Variants in TCP11L1 observed in about 807,000 individuals in gnomAD.
The protein encoded by TCP11L1 is T-complex protein 11-like protein 1.
A neutral mutation model predicts 48.9 loss-of-function variants in TCP11L1; 28 were observed. That is an observed-to-expected ratio of 0.57 (90% confidence interval 0.42 to 0.78). The LOEUF is 0.78. Among genes scored for constraint, TCP11L1 ranks in the 30% least tolerant of loss-of-function variants. TCP11L1 has a pLI of 0.00. For missense variants in TCP11L1, 505 were observed against 613.4 expected, an observed-to-expected ratio of 0.82 and a Z score of 1.87; for synonymous variants, 204 against 231.9, an observed-to-expected ratio of 0.88 and a Z score of 1.09.
intron 2 of TCP11L1, among the ~76,000 whole-genome samples, chr11:33,050,121 A>G (rs556817053): frequency 1.1e-4 from 17 of 152,358 alleles, no homozygotes; most frequent in South Asian, 2.1e-4. Context: ...CCTTGAGTCA[A>G]CACAGCACAG....
intron 7 of TCP11L1, among the ~76,000 whole-genome samples, chr11:33,064,256 G>C (rs1317628762): frequency 6.6e-6 from 1 of 152,228 alleles, no homozygotes; most frequent in Non-Finnish European, 1.5e-5. Context: ...CTAAACTCAC[G>C]TCCTGCTGTT....
At chr11:33,052,990 C>CA (rs56102649) in intron 2 of TCP11L1, among the ~76,000 whole-genome samples, 61,605 of 149,730 alleles carry the variant, frequency 0.41, 12,807 homozygotes, top group African/African-American at 0.48. Flanking sequence ...GACCCTATCT[C>CA]AAAAAAAAAT....
intron 2 of TCP11L1, among the ~76,000 whole-genome samples, chr11:33,052,365 G>A (rs1291182548): frequency 2.6e-5 from 4 of 152,070 alleles, no homozygotes; most frequent in Non-Finnish European, 5.9e-5. Flanking sequence ...CTTTGGAAAT[G>A]CTGAGAATGT....
intron 3 of TCP11L1, among the ~76,000 whole-genome samples, chr11:33,055,001 T>C (rs951855547): frequency 2.6e-5 from 4 of 152,250 alleles, no homozygotes; most frequent in African/African-American, 9.6e-5. Context: ...CACTGCACTA[T>C]AGTTGTTGGT....
intron 1 of TCP11L1, among the ~76,000 whole-genome samples, chr11:33,043,499 A>G (rs1033832863): frequency 2.0e-5 from 3 of 152,266 alleles, no homozygotes; most frequent in African/African-American, 7.2e-5. Flanking sequence ...ACTTAGGAGT[A>G]GGACAAAAAT....
intron 9 of TCP11L1, among the ~76,000 whole-genome samples, chr11:33,069,737 C>T (rs1047423312): frequency 6.6e-6 from 1 of 152,138 alleles, no homozygotes; most frequent in Non-Finnish European, 1.5e-5. Context: ...TCCCAAGTAG[C>T]TGGGACTACA....
At chr11:33,071,488 A>G (rs2133753382) in intron 9 of TCP11L1, among the ~76,000 whole-genome samples, 1 of 152,338 alleles carries the variant, frequency 6.6e-6, no homozygotes, top group East Asian at 1.9e-4. Flanking sequence ...TTTTTGTGAT[A>G]AAATCTGCAA....
chr11:33,070,857 C>G (rs1445115312), intron 9 of TCP11L1, among the ~76,000 whole-genome samples: 1 of 151,574 alleles, frequency 6.6e-6, no homozygotes, highest in East Asian at 1.9e-4. Flanking sequence ...CAAAAATTTC[C>G]TGGGCATGGT....
chr11:33,051,555 G>T (rs1204426419), intron 2 of TCP11L1, among the ~76,000 whole-genome samples: 1 of 152,032 alleles, frequency 6.6e-6, no homozygotes, highest in African/African-American at 2.4e-5. Context: ...TTGAGACAGA[G>T]TATTGCTCTG....
At chr11:33,065,783 C>A in intron 7 of TCP11L1, 47 bp from the exon 8 acceptor site, 2 of 1,584,602 alleles carry the variant, frequency 1.3e-6, no homozygotes, top group Non-Finnish European at 1.7e-6. Context: ...CCTCTGCTGG[C>A]CAACCTGGAC....
At chr11:33,065,488 C>T (rs1478376670) in intron 7 of TCP11L1, among the ~76,000 whole-genome samples, 1 of 147,786 alleles carries the variant, frequency 6.8e-6, no homozygotes, top group African/African-American at 2.4e-5. Flanking sequence ...GTCTTGAACT[C>T]CTGACCTCAG....
chr11:33,059,013 C>T lies in TCP11L1; in HGVS notation c.693C>T (p.Ile231=). The change falls in exon 6 of 10, where the codon ATC becomes ATT. Residue 231 remains isoleucine (I), a synonymous_variant. Coordinates refer to ENST00000334274, the MANE Select transcript of TCP11L1 (RefSeq NM_018393.4). ...AAGTGGACATGGCCAACTTTGCTAT[C>T]AGTAGCATCAGGCCTCATCTCATGC... ...LMKVDMANFA[I]SSIRPHLMQQ... 1 of 1,614,170 alleles carries T rather than the reference C, an allele frequency of 6.2e-7. No homozygotes were observed. Among genetic ancestry groups the T allele is most frequent in the South Asian group, 1.1e-5 (1 of 91,082 alleles).
intron 8 of TCP11L1, 44 bp from the exon 9 acceptor site, chr11:33,068,643 G>C (rs753772390): frequency 6.3e-7 from 1 of 1,599,072 alleles, no homozygotes; most frequent in Non-Finnish European, 8.6e-7. Context: ...GCTGGTTAGA[G>C]GTGTATTTTA....
At chr11:33,061,494 G>A (rs753533615) in intron 6 of TCP11L1, 36 bp from the exon 7 acceptor site, 7 of 1,522,316 alleles carry the variant, frequency 4.6e-6, no homozygotes, top group Non-Finnish European at 5.3e-6. Context: ...TCCCTTCTTG[G>A]TGTCAAGGTA....
At chr11:33,049,931 GGGA>G (rs1357764784) in intron 2 of TCP11L1, among the ~76,000 whole-genome samples, 6 of 152,158 alleles carry the variant, frequency 3.9e-5, no homozygotes, top group African/African-American at 1.4e-4. Flanking sequence ...CTATTGCATG[GGGA>G]GAAACCTTGG....
intron 9 of TCP11L1, 107 bp from the exon 10 acceptor site, chr11:33,072,367 G>T: frequency 8.7e-7 from 1 of 1,149,308 alleles, no homozygotes; most frequent in Non-Finnish European, 1.3e-6. Flanking sequence ...AGTATTGATC[G>T]GGGACAACTT....
At chr11:33,057,378 T>A in intron 4 of TCP11L1, 143 bp downstream of exon 4, 1 of 1,379,592 alleles carries the variant, frequency 7.2e-7, no homozygotes, top group South Asian at 1.4e-5. Context: ...AAGAGTGTTT[T>A]TGGCTTAATG....
In TCP11L1 at chr11:33,054,661, C is replaced by G. The variant is rs374576071; in HGVS notation, c.232C>G (p.Leu78Val). The G allele has an allele frequency of 4.3e-6, 7 of 1,613,890 alleles. No individual in the cohort carries two copies. The highest frequency in any genetic ancestry group is 1.3e-5 in the African/African-American group (1 of 74,928). The change falls in exon 3 of 10, where the codon CTA (leucine) becomes GTA (valine). Residue 78 changes from leucine (L) to valine (V), a missense_variant. Around this residue, in one of 3 missense-constraint regions of TCP11L1, gnomAD observed 168 missense variants for 183.5 expected, o/e 0.92. Coordinates refer to ENST00000334274, the MANE Select transcript of TCP11L1 (RefSeq NM_018393.4). ...ETARGVTNMA[L>V]AHEIVVNGDF... ...AGCGAGAGGTGTCACCAACATGGCT[C>G]TAGCCCATGAAATTGTAGTAAATGG...
In TCP11L1 at chr11:33,068,707, T is replaced by C. The variant is rs1206458076; in HGVS notation, c.1175T>C (p.Val392Ala). 6.2e-7 allele frequency: 1 copy of C among 1,614,068 alleles called. No individual in the cohort carries two copies. Residue 392 changes from valine (V) to alanine (A), a missense_variant, in exon 9 of 10, where the codon GTC becomes GCC. Physicochemically the swap from Val to Ala is moderately conservative, Grantham distance 64. Transcript: ENST00000334274. ...CCCAGCTCCTTCCATCTGAAGGACG[T>C]CCTCACTACCATCGGGGAGAAGGTG... is the stretch of plus-strand genomic sequence containing the variant. ...MHLPSFHLKD[V>A]LTTIGEKVCL...
Sources: gnomAD v4.1 joint callset for allele counts (sites outside exome capture counted in the v4.1 genomes callset) on GRCh38, gnomAD v4.1.1 for gene constraint, gnomAD v4.1.1 regional missense constraint, MANE v1.5 for transcripts, NCBI Gene and HGNC (gene_info 2026-07-23, HGNC 2026-07-21) for gene names.